Variants in RDH13 observed in about 807,000 individuals in gnomAD.
The protein encoded by RDH13 is retinol dehydrogenase 13.
A neutral mutation model predicts 28.3 loss-of-function variants in RDH13; 35 were observed. The observed-to-expected ratio is 1.24, with a 90% CI of 0.95 to 1.64. The LOEUF is 1.64. Among genes scored for constraint, RDH13 ranks in the 40% most tolerant of loss-of-function variants. RDH13 has a pLI of 0.00. For missense variants in RDH13, 514 were observed against 446.3 expected (o/e 1.15, Z -1.37); for synonymous variants, 229 against 198.5 (o/e 1.15, Z -1.29).
downstream of RDH13, chr19:55,041,360 C>G (rs1462024348): frequency 6.6e-6 from 1 of 152,296 alleles, no homozygotes; most frequent in African/African-American, 2.4e-5. Flanking sequence ...TTGGGGTGCT[C>G]CTGGCATGTG....
intron 3 of RDH13, among the ~76,000 whole-genome samples, chr19:55,055,744 T>C (rs1382624385): frequency 1.3e-5 from 2 of 151,854 alleles, no homozygotes; most frequent in African/African-American, 2.4e-5. Context: ...TCCCAGCTAC[T>C]TGGGAGGCTG....
At chr19:55,049,684 G>A (rs1318889128) in intron 3 of RDH13, among the ~76,000 whole-genome samples, 1 of 151,842 alleles carries the variant, frequency 6.6e-6, no homozygotes, top group Non-Finnish European at 1.5e-5. Context: ...AGCTACTCAG[G>A]AGGCTGAGGC....
At chr19:55,040,544 A>T (rs1448412591), downstream of RDH13, 1 of 152,180 alleles carries the variant, frequency 6.6e-6, no homozygotes, top group Non-Finnish European at 1.5e-5. Context: ...TCTTCCCTAC[A>T]TCTCTCATTC....
upstream of RDH13, chr19:55,063,199 G>A: frequency 2.0e-6 from 1 of 496,978 alleles, no homozygotes; most frequent in Non-Finnish European, 3.3e-6. Flanking sequence ...GCGGGGCGCG[G>A]GCGGAGGGGG....
chr19:55,057,451 T>TTA (rs55909563), intron 2 of RDH13, among the ~76,000 whole-genome samples: 1 of 150,598 alleles, frequency 6.6e-6, no homozygotes, highest in Admixed American at 6.6e-5. Context: ...TTTTTTTTTT[T>TTA]AGATGGAGTC....
chr19:55,048,694 T>C lies in RDH13; in HGVS notation c.410A>G (p.Asp137Gly). 1 of 1,613,624 alleles carries C rather than the reference T, an allele frequency of 6.2e-7. No individual in the cohort carries two copies. Residue 137 changes from aspartate (D) to glycine (G), a missense_variant, in exon 4 of 7, where the codon GAC becomes GGC. Coordinates refer to ENST00000415061, the MANE Select transcript of RDH13 (RefSeq NM_001145971.2). ...AACGCCAAACTGCATCTCGAAGCCG[T>C]CCTCGGTGGTCCAGTGGGGGCACCG... The part of the protein sequence containing the change: ...VMRCPHWTTE[D>G]GFEMQFGVNH...
intron 6 of RDH13, 117 bp downstream of exon 6, chr19:55,047,270 G>A: frequency 6.8e-7 from 1 of 1,474,456 alleles, no homozygotes; most frequent in Non-Finnish European, 9.0e-7. Flanking sequence ...GAAGACGTAG[G>A]CGAGGAGCAG....
intron 3 of RDH13, chr19:55,050,807 G>A (rs1224903499): frequency 6.6e-6 from 1 of 151,944 alleles, no homozygotes; most frequent in African/African-American, 2.4e-5. Flanking sequence ...GTTTTCGGCG[G>A]GGATCGTGAA....
rs1346322516 is a variant in RDH13 at position 55,059,220 on chromosome 19, C to A, written c.121G>T (p.Val41Phe). Residue 41 changes from valine to phenylalanine, a missense_variant, in exon 2 of 7, where the codon GTC becomes TTC. By Grantham distance (50) the Val-to-Phe change is conservative (BLOSUM62 -1). Coordinates refer to ENST00000415061, the MANE Select transcript of RDH13 (RefSeq NM_001145971.2). ...PSKATIPGKT[V>F]IVTGANTGIG... The stretch of plus-strand genomic sequence containing the variant: ...CCTGTGTTGGCACCCGTCACGATGA[C>A]CGTCTTCCCAGGGATGGTGGCCTTG... The A allele has an allele frequency of 4.4e-6, 7 of 1,605,844 alleles. No individual in the cohort carries two copies. The East Asian group carries it at 1.6e-4, about 36-fold the overall frequency.
downstream of RDH13, among the ~76,000 whole-genome samples, chr19:55,040,155 G>GT (rs965965612): frequency 2.0e-5 from 3 of 151,750 alleles, no homozygotes; most frequent in African/African-American, 7.3e-5. Context: ...GCCATTGACT[G>GT]TTTTTTGTTT....
At chr19:55,039,498 A>T (rs1465857228), downstream of RDH13, 2 of 152,188 alleles carry the variant, frequency 1.3e-5, no homozygotes, top group Non-Finnish European at 2.9e-5. Flanking sequence ...CGGTAAGCCG[A>T]GATCGCACCA....
chr19:55,064,682 A>T (rs182896050), upstream of RDH13, among the ~76,000 whole-genome samples: 3 of 149,586 alleles, frequency 2.0e-5, no homozygotes, highest in African/African-American at 4.9e-5. Context: ...GGGCGATCTC[A>T]GCTCACTGCA....
chr19:55,060,177 G>T (rs1671180), intron 1 of RDH13, among the ~76,000 whole-genome samples: 92,546 of 126,358 alleles, frequency 0.73, 34,590 homozygotes, highest in East Asian at 0.94. Context: ...GCAGTTGAGA[G>T]AGAGGAAGGC....
rs2075312130 is a variant in RDH13, at chr19:55,048,404, T to C, written c.583A>G (p.Asn195Asp). 6.2e-7 allele frequency: 1 copy of C among 1,614,196 alleles called. No homozygotes were observed. Among genetic ancestry groups the C allele is most frequent in the East Asian group, 2.2e-5 (1 of 44,882 alleles). Reference protein sequence around the residue: ...DDLNWQTRKYNTKAAYCQSKL... With the variant: ...DDLNWQTRKYDTKAAYCQSKL... ...CTCTGGCAGTAGGCGGCTTTGGTGT[T>C]ATACTTCCTCGTCTGCCAGTTCAAG... The change falls in exon 5 of 7, where the codon AAC becomes GAC. Residue 195 changes from asparagine (N) to aspartate (D), a missense_variant. Transcript: ENST00000415061.
chr19:55,040,385 C>T (rs1276898724), downstream of RDH13: 2 of 152,542 alleles, frequency 1.3e-5, no homozygotes, highest in African/African-American at 4.8e-5. Flanking sequence ...GTCTCGATCT[C>T]CTGACCTTGT....
In RDH13 at chr19:55,045,057, C is replaced by T; in HGVS notation, c.*17G>A. The T allele has an allele frequency of 6.4e-7, 1 of 1,553,780 alleles. No individual in the cohort carries two copies. Among genetic ancestry groups the T allele is most frequent in the African/African-American group, 1.4e-5 (1 of 72,880 alleles). ...GGTCTGGAGGCGCCATCCTGGCTTT[C>T]AAATCTGCTCCAGAGGTTATCTGGG... On this transcript the variant is annotated 3_prime_UTR_variant, in exon 7 of 7. Transcript: ENST00000415061.
rs1256215528 is a variant in RDH13, at chr19:55,048,547, T to C, written c.446-6A>G. On this transcript the variant is annotated splice_polypyrimidine_tract_variant and splice_region_variant and intron_variant, in intron 4 of 6. Coordinates refer to ENST00000415061, the MANE Select transcript of RDH13 (RefSeq NM_001145971.2). ...GTTTGTCAAGAGAAAGTGACCTGGA[T>C]TAAGGATGATGAAAAGGTCACTTTT... The C allele has an allele frequency of 6.2e-7, 1 of 1,613,830 alleles. No individual in the cohort carries two copies. The highest frequency in any genetic ancestry group is 1.3e-5 in the African/African-American group (1 of 74,890).
At chr19:55,052,816 A>T (rs2075495677) in intron 3 of RDH13, among the ~76,000 whole-genome samples, 1 of 151,694 alleles carries the variant, frequency 6.6e-6, no homozygotes, top group African/African-American at 2.4e-5. Flanking sequence ...GCCCGCCACC[A>T]CGCCCGGCTA....
downstream of RDH13, chr19:55,041,269 G>C (rs1449353657): frequency 6.6e-6 from 1 of 152,278 alleles, no homozygotes; most frequent in Non-Finnish European, 1.5e-5. Flanking sequence ...GTGAGCCACT[G>C]TGCCTGGCCC....
Sources: allele counts gnomAD v4.1 joint callset (sites outside exome capture counted in the v4.1 genomes callset), GRCh38; gene constraint gnomAD v4.1.1; transcripts MANE v1.5; gene names NCBI Gene and HGNC (gene_info 2026-07-23, HGNC 2026-07-21).